Variants in DKK3 observed in about 807,000 individuals in gnomAD.
DKK3 encodes dickkopf Wnt signaling pathway inhibitor 3, also known as dickkopf-related protein 3.
A neutral mutation model predicts 33.2 loss-of-function variants in DKK3; 22 were observed. The observed-to-expected ratio is 0.66, with a 90% CI of 0.47 to 0.95. The LOEUF is 0.95. DKK3 is among the 40% of genes least tolerant of loss of function. DKK3 has a pLI of 0.00. For synonymous variants in DKK3, 194 were observed against 188.8 expected, an observed-to-expected ratio of 1.03 and a Z score of -0.23; for missense variants, 398 against 458.4, an observed-to-expected ratio of 0.87 and a Z score of 1.20.
chr11:11,998,236 C>T (rs1356907699), intron 3 of DKK3: 1 of 210,842 alleles, frequency 4.7e-6, no homozygotes, highest in East Asian at 1.5e-4. Context: ...CAGAGCCTAG[C>T]CCTGAAATGG....
intron 4 of DKK3, 122 bp from the exon 5 acceptor site, chr11:11,967,220 C>T: frequency 2.4e-6 from 3 of 1,243,274 alleles, no homozygotes; most frequent in Admixed American, 5.1e-5. Context: ...GACAGGCAGA[C>T]CAGGCTGAGA....
At chr11:11,972,254 C>T (rs1056762310) in intron 3 of DKK3, among the ~76,000 whole-genome samples, 1 of 152,234 alleles carries the variant, frequency 6.6e-6, no homozygotes, top group African/African-American at 2.4e-5. Flanking sequence ...GCATCTGCTC[C>T]TCCACACATC....
intron 3 of DKK3, 24 bp downstream of exon 3, chr11:11,998,672 A>G: frequency 6.3e-7 from 1 of 1,598,714 alleles, no homozygotes; most frequent in Non-Finnish European, 8.6e-7. Flanking sequence ...TCGGGGTGCA[A>G]GTACAGGGGA....
rs531293992 is a variant in DKK3, at chr11:11,995,830, C to T, written c.435+2866G>A. On this transcript the variant is annotated intron_variant, in intron 3 of 6. Coordinates refer to ENST00000683431, the MANE Select transcript of DKK3 (RefSeq NM_001018057.2). ...GACGTCAGACCACATCCCCATCAGC[C>T]GATGTGCTCAGGTGCAATAACATGC... Among the ~76,000 whole-genome samples, 61 of 152,320 alleles carry T rather than the reference C, an allele frequency of 4.0e-4. No homozygotes were observed. The South Asian group carries it at 0.012, about 29-fold the overall frequency.
chr11:11,994,417 T>G (rs917660087), intron 3 of DKK3, among the ~76,000 whole-genome samples: 1 of 152,082 alleles, frequency 6.6e-6, no homozygotes, highest in Admixed American at 6.6e-5. Context: ...TTCTTCAAAC[T>G]TCTTCATTCT....
intron 3 of DKK3, among the ~76,000 whole-genome samples, chr11:11,993,366 A>G (rs1848225519): frequency 6.6e-6 from 1 of 151,596 alleles, no homozygotes; most frequent in Non-Finnish European, 1.5e-5. Context: ...TATTATATAT[A>G]CTGTTCTGCA....
intron 3 of DKK3, among the ~76,000 whole-genome samples, chr11:11,977,755 A>C (rs915099422): frequency 2.6e-5 from 4 of 152,152 alleles, no homozygotes; most frequent in African/African-American, 9.7e-5. Flanking sequence ...TGGGCATTTC[A>C]GGCCCAAATG....
In DKK3 at chr11:11,995,255, A is replaced by AT. The variant is rs1194256154; in HGVS notation, c.435+3440dup. On this transcript the variant is annotated intron_variant, in intron 3 of 6. Transcript: ENST00000683431. ...CCACCAGGCCCGGCTAATTTTTTTT[A>AT]TTTTTTATTTTTTGTAGAGGGGTCT... Among the ~76,000 whole-genome samples the AT allele has an allele frequency of 5.9e-5, 9 of 151,690 alleles. No homozygotes were observed. In the East Asian group the frequency reaches 1.5e-3, roughly 26 times the overall value.
intron 3 of DKK3, among the ~76,000 whole-genome samples, chr11:11,998,026 G>A (rs937070478): frequency 6.6e-6 from 1 of 152,178 alleles, no homozygotes; most frequent in African/African-American, 2.4e-5. Context: ...ACATCTTTGG[G>A]AAGATGAAGT....
chr11:11,985,850 G>T (rs754547120), intron 3 of DKK3, among the ~76,000 whole-genome samples: 4 of 152,212 alleles, frequency 2.6e-5, no homozygotes, highest in Non-Finnish European at 5.9e-5. Context: ...AAAACCATGG[G>T]GATGCGGGGA....
At chr11:11,970,054 T>C (rs746810757) in intron 3 of DKK3, among the ~76,000 whole-genome samples, 26 of 152,202 alleles carry the variant, frequency 1.7e-4, no homozygotes, top group Non-Finnish European at 3.8e-4. Flanking sequence ...GCACACGCTC[T>C]TGTGCACAGA....
chr11:11,979,241 T>C (rs1171815545), intron 3 of DKK3, among the ~76,000 whole-genome samples: 1 of 152,194 alleles, frequency 6.6e-6, no homozygotes, highest in Non-Finnish European at 1.5e-5. Context: ...TGGGGAAGCC[T>C]TGGCAGGAGC....
In DKK3 at chr11:11,964,384, T is replaced by C; in HGVS notation, c.*80A>G. On this transcript the variant is annotated 3_prime_UTR_variant, in exon 7 of 7. Transcript: ENST00000683431. The stretch of plus-strand genomic sequence containing the variant: ...GAAGAAGATGTAGGAAGAAGCCTGG[T>C]CAGCCCACGCCTAAAGCACACACCT... 1 of 1,524,332 alleles carries C rather than the reference T, an allele frequency of 6.6e-7. No individual in the cohort carries two copies. Among genetic ancestry groups the C allele is most frequent in the African/African-American group, 1.4e-5 (1 of 72,712 alleles). 94.4% of individuals were successfully genotyped at this position (1,524,332 alleles called of 1,614,324 possible).
Position 11,967,025 on chromosome 11 carries a change from C to G in DKK3, c.602G>C (p.Arg201Thr), listed in dbSNP as rs748810385. 1.2e-6 allele frequency: 2 copies of G among 1,614,072 alleles called. No individual in the cohort carries two copies. The highest frequency in any genetic ancestry group is 1.7e-5 in the Admixed American group (1 of 60,028). The change falls in exon 5 of 7, where the codon AGG becomes ACG. Residue 201 changes from arginine (R) to threonine (T), a missense_variant. Transcript: ENST00000683431. ...GTCACAGATGGTCCCATTGCTGCCC[C>G]TGGTGGCCATTTTGGTGCAGTGACC... ...VWGHCTKMAT[R>T]GSNGTICDNQ...
intron 2 of DKK3, among the ~76,000 whole-genome samples, chr11:11,999,697 T>A (rs1366404210): frequency 6.6e-6 from 1 of 152,156 alleles, no homozygotes; most frequent in East Asian, 1.9e-4. Context: ...AGCTAGGAGA[T>A]GTGTGTTCTT....
At chr11:12,004,978 C>T (rs780540925) in intron 1 of DKK3, among the ~76,000 whole-genome samples, 8 of 152,084 alleles carry the variant, frequency 5.3e-5, no homozygotes, top group Non-Finnish European at 1.2e-4. Flanking sequence ...AATGACTTTC[C>T]TTAAAAGCAA....
intron 6 of DKK3, 163 bp from the exon 7 acceptor site, chr11:11,964,849 A>G: frequency 7.1e-7 from 1 of 1,399,632 alleles, no homozygotes; most frequent in Non-Finnish European, 9.5e-7. Context: ...TCTATCTTAA[A>G]ATGATGGCTG....
intron 3 of DKK3, among the ~76,000 whole-genome samples, chr11:11,986,047 C>A (rs992550807): frequency 5.9e-5 from 9 of 152,132 alleles, no homozygotes; most frequent in Admixed American, 2.0e-4. Context: ...TGGGGCTGAG[C>A]CTAAGTTCTG....
chr11:11,968,441 AACTGGCAGT>A lies in DKK3; in HGVS notation c.473_481del (p.Tyr158_Gln160del). ...CTGGCAGGTGTACTGGAAGCTGGCA[AACTGGCAGT>A]ACATGCTGGGCCCACAGTCCTCGTC... is the stretch of plus-strand genomic sequence containing the variant. On this transcript the variant is annotated inframe_deletion, in exon 4 of 7. Transcript: ENST00000683431. The A allele has an allele frequency of 6.2e-7, 1 of 1,613,504 alleles. No individual in the cohort carries two copies. The highest frequency in any genetic ancestry group is 8.5e-7 in the Non-Finnish European group (1 of 1,179,702).
Sources: gnomAD v4.1 joint callset for allele counts (sites outside exome capture counted in the v4.1 genomes callset) on GRCh38, gnomAD v4.1.1 for gene constraint, MANE v1.5 for transcripts, NCBI Gene and HGNC (gene_info 2026-07-23, HGNC 2026-07-21) for gene names.